The following SYT14 variants were observed in gnomAD, a reference collection of about 807,000 sequenced individuals.
SYT14 encodes the protein synaptotagmin-14.
A neutral mutation model predicts 74.2 loss-of-function variants in SYT14; 32 were observed. The observed-to-expected ratio is 0.43, with a 90% CI of 0.33 to 0.58. The LOEUF is 0.58. Ranked by LOEUF, SYT14 falls within the 20% of genes least tolerant of loss-of-function variation. The probability of loss-of-function intolerance (pLI) is 0.05; values close to 1 mark genes in which losing one functional copy is unlikely to be tolerated. For missense variants in SYT14, 791 were observed against 981.8 expected (o/e 0.81, Z 2.60); for synonymous variants, 298 against 337.7 (o/e 0.88, Z 1.29).
intron 7 of SYT14, among the ~76,000 whole-genome samples, chr1:210,115,975 T>C (rs2082353615): frequency 6.6e-6 from 1 of 150,918 alleles, no homozygotes; most frequent in Non-Finnish European, 1.5e-5. Flanking sequence ...GGCCGTTTTA[T>C]AGGATTTGGG....
chr1:210,057,675 T>C (rs1262385163), intron 5 of SYT14, among the ~76,000 whole-genome samples: 1 of 152,238 alleles, frequency 6.6e-6, no homozygotes, highest in Non-Finnish European at 1.5e-5. Flanking sequence ...CCTTTGATTT[T>C]GTTAATGATT....
intron 7 of SYT14, among the ~76,000 whole-genome samples, chr1:210,128,477 T>A (rs987319578): frequency 2.6e-5 from 4 of 152,214 alleles, no homozygotes; most frequent in African/African-American, 7.2e-5. Flanking sequence ...TATACAATAT[T>A]TATTTTTCCT....
At chr1:209,997,372 T>C (rs2079817320) in intron 2 of SYT14, among the ~76,000 whole-genome samples, 1 of 151,996 alleles carries the variant, frequency 6.6e-6, no homozygotes, top group Admixed American at 6.6e-5. Flanking sequence ...TCATTCATAA[T>C]AGCCACACAA....
intron 2 of SYT14, among the ~76,000 whole-genome samples, chr1:210,001,401 G>C (rs913139504): frequency 1.3e-5 from 2 of 151,898 alleles, no homozygotes; most frequent in Non-Finnish European, 2.9e-5. Context: ...ACATAGTGGG[G>C]ATAAATCTAA....
intron 5 of SYT14, among the ~76,000 whole-genome samples, chr1:210,061,616 A>G (rs553225176): frequency 6.6e-6 from 1 of 152,060 alleles, no homozygotes; most frequent in South Asian, 2.1e-4. Flanking sequence ...TAAGTTTGAT[A>G]GACTTGAGCT....
intron 5 of SYT14, among the ~76,000 whole-genome samples, chr1:210,087,797 A>T (rs986101108): frequency 6.6e-6 from 1 of 152,096 alleles, no homozygotes; most frequent in African/African-American, 2.4e-5. Flanking sequence ...ACTGGGCTGG[A>T]CATCTTCCCC....
intron 7 of SYT14, among the ~76,000 whole-genome samples, chr1:210,148,802 C>G (rs1327804938): frequency 6.6e-6 from 1 of 152,098 alleles, no homozygotes; most frequent in Non-Finnish European, 1.5e-5. Flanking sequence ...GTTACATAAG[C>G]TATTTCAGAG....
At chr1:209,989,087 C>A (rs945109392) in intron 2 of SYT14, among the ~76,000 whole-genome samples, 2 of 152,126 alleles carry the variant, frequency 1.3e-5, no homozygotes, top group Non-Finnish European at 2.9e-5. Flanking sequence ...TCTGAATGAT[C>A]ACTCCTTTAT....
chr1:209,993,259 G>A (rs55912462), intron 2 of SYT14, among the ~76,000 whole-genome samples: 1 of 152,246 alleles, frequency 6.6e-6, no homozygotes, highest in Non-Finnish European at 1.5e-5. Context: ...CACATCTGTT[G>A]TGCAAGCTCG....
intron 5 of SYT14, among the ~76,000 whole-genome samples, chr1:210,074,351 T>C (rs2081450488): frequency 6.6e-6 from 1 of 152,234 alleles, no homozygotes; most frequent in Non-Finnish European, 1.5e-5. Context: ...CACAGTCACA[T>C]AGCTAGTGAA....
intron 5 of SYT14, among the ~76,000 whole-genome samples, chr1:210,061,849 A>G (rs1486550579): frequency 6.6e-6 from 1 of 151,800 alleles, no homozygotes; most frequent in African/African-American, 2.4e-5. Flanking sequence ...ATCTATTGTT[A>G]TATTGTGAGC....
intron 5 of SYT14, among the ~76,000 whole-genome samples, chr1:210,033,701 A>G (rs367583453): frequency 1.6e-4 from 24 of 151,922 alleles, no homozygotes; most frequent in Middle Eastern, 3.4e-3. Flanking sequence ...CTATCCAGAT[A>G]GTTATGAAAA....
At chr1:210,009,362 T>C (rs971397192) in intron 2 of SYT14, among the ~76,000 whole-genome samples, 3 of 152,204 alleles carry the variant, frequency 2.0e-5, no homozygotes, top group Admixed American at 2.0e-4. Context: ...TTTTATTTCT[T>C]CTCTACAACC....
At chr1:210,118,059 C>T (rs2082393108) in intron 7 of SYT14, among the ~76,000 whole-genome samples, 1 of 152,070 alleles carries the variant, frequency 6.6e-6, no homozygotes, top group Non-Finnish European at 1.5e-5. Flanking sequence ...TTATTTTAAG[C>T]AATTTATTTC....
intron 7 of SYT14, among the ~76,000 whole-genome samples, chr1:210,124,606 T>C (rs1269927100): frequency 6.6e-6 from 1 of 152,204 alleles, no homozygotes; most frequent in African/African-American, 2.4e-5. Flanking sequence ...ACTTTTCAAC[T>C]GTAAAGCTAG....
At chr1:210,121,028 G>T (rs1349210760) in intron 7 of SYT14, among the ~76,000 whole-genome samples, 1 of 152,186 alleles carries the variant, frequency 6.6e-6, no homozygotes, top group Non-Finnish European at 1.5e-5. Flanking sequence ...GGGAGCATCT[G>T]CAGTCTCTGG....
intron 5 of SYT14, among the ~76,000 whole-genome samples, chr1:210,041,790 C>CT (rs2102346403): frequency 6.6e-6 from 1 of 152,158 alleles, no homozygotes; most frequent in South Asian, 2.1e-4. Flanking sequence ...GGCAAAGCAA[C>CT]TTTATTACTC....
chr1:209,952,675 A>G (rs200223565), intron 1 of SYT14, 34 bp from the exon 2 acceptor site: 5 of 1,549,180 alleles, frequency 3.2e-6, no homozygotes, highest in Non-Finnish European at 4.5e-6. Flanking sequence ...GCTACTTTCT[A>G]TGTTTTTAAC....
intron 5 of SYT14, among the ~76,000 whole-genome samples, chr1:210,046,064 T>C (rs1031946930): frequency 2.0e-5 from 3 of 152,230 alleles, no homozygotes; most frequent in Admixed American, 6.5e-5. Flanking sequence ...TATGGAGTTA[T>C]GTTTTTTCTT....
Sources: gnomAD v4.1 joint callset for allele counts (sites outside exome capture counted in the v4.1 genomes callset) on GRCh38, gnomAD v4.1.1 for gene constraint, MANE v1.5 for transcripts, NCBI Gene and HGNC (gene_info 2026-07-23, HGNC 2026-07-21) for gene names.